Variants in MTA3 observed in about 807,000 individuals in gnomAD.
The protein encoded by MTA3 is metastasis associated 1 family member 3.
Under a neutral mutation model 83.5 loss-of-function variants are expected in MTA3, and 34 were observed. The observed-to-expected ratio is 0.41, with a 90% confidence interval of 0.31 to 0.54. MTA3 has a LOEUF of 0.54. Among genes scored for constraint, MTA3 ranks in the 20% least tolerant of loss-of-function variants. The pLI, the probability that MTA3 is intolerant of heterozygous loss-of-function variation, is 0.33. For missense variants in MTA3, 761 were observed against 726.4 expected, an observed-to-expected ratio of 1.05 and a Z score of -0.55; for synonymous variants, 303 against 252.7, an observed-to-expected ratio of 1.20 and a Z score of -1.89.
chr2:42,685,468 C>CTGAAG (rs1692287785), intron 9 of MTA3, among the ~76,000 whole-genome samples: 1 of 152,174 alleles, frequency 6.6e-6, no homozygotes, highest in African/African-American at 2.4e-5. Flanking sequence ...AACCTAACTG[C>CTGAAG]TGAAGTAGGA....
intron 8 of MTA3, among the ~76,000 whole-genome samples, chr2:42,671,076 C>T (rs915698768): frequency 7.2e-5 from 11 of 152,046 alleles, no homozygotes; most frequent in Middle Eastern, 6.8e-3. Context: ...CTGAACGATT[C>T]GTTAGTCTTT....
At chr2:42,742,219 A>C (rs1336412754) in intron 16 of MTA3, among the ~76,000 whole-genome samples, 11 of 151,736 alleles carry the variant, frequency 7.2e-5, no homozygotes, top group Non-Finnish European at 1.6e-4. Context: ...GCTCACTGCA[A>C]CCTCTGCCTC....
chr2:42,747,920 T>C (rs1203298839), intron 16 of MTA3, among the ~76,000 whole-genome samples: 2 of 152,094 alleles, frequency 1.3e-5, no homozygotes, highest in Non-Finnish European at 2.9e-5. Flanking sequence ...ACAGTTTTCT[T>C]GCACCCCATT....
At chr2:42,540,945 C>T (rs1676491907) in intron 2 of MTA3, among the ~76,000 whole-genome samples, 1 of 152,034 alleles carries the variant, frequency 6.6e-6, no homozygotes, top group South Asian at 2.1e-4. Context: ...TACACATGGT[C>T]CCTGACTTAT....
chr2:42,536,642 G>T (rs961808395), intron 2 of MTA3, among the ~76,000 whole-genome samples: 2 of 151,966 alleles, frequency 1.3e-5, no homozygotes, highest in East Asian at 3.9e-4. Context: ...GGCGGATCAC[G>T]AGGTCAGGAG....
At chr2:42,565,335 C>T (rs909993122), upstream of MTA3, among the ~76,000 whole-genome samples, 4 of 151,768 alleles carry the variant, frequency 2.6e-5, no homozygotes, top group Admixed American at 6.6e-5. Context: ...CATAGGTGCG[C>T]ACCAACTGGC....
At chr2:42,678,570 C>T (rs1333543821) in intron 8 of MTA3, among the ~76,000 whole-genome samples, 2 of 152,118 alleles carry the variant, frequency 1.3e-5, no homozygotes, top group East Asian at 3.9e-4. Context: ...CTCAAGTGAT[C>T]CGCCTGCATT....
chr2:42,663,105 A>C (rs560802551), intron 8 of MTA3, among the ~76,000 whole-genome samples: 1 of 152,314 alleles, frequency 6.6e-6, no homozygotes, highest in East Asian at 1.9e-4. Context: ...ATATAGGTAA[A>C]CTATTATTTA....
intron 8 of MTA3, among the ~76,000 whole-genome samples, chr2:42,663,023 C>T (rs537553179): frequency 1.8e-4 from 27 of 152,292 alleles, no homozygotes; most frequent in Admixed American, 3.3e-4. Flanking sequence ...AGCCACTGTG[C>T]CTGGCCGGAT....
intron 3 of MTA3, among the ~76,000 whole-genome samples, chr2:42,605,124 C>T (rs1178128626): frequency 5.3e-4 from 79 of 149,210 alleles, no homozygotes; most frequent in African/African-American, 1.8e-3. Context: ...GGGTGGTGGC[C>T]GGGCAGAGGG....
At chr2:42,620,952 T>G (rs1685461639) in intron 4 of MTA3, among the ~76,000 whole-genome samples, 1 of 152,212 alleles carries the variant, frequency 6.6e-6, no homozygotes, top group African/African-American at 2.4e-5. Flanking sequence ...TCATGGTTAT[T>G]TCATAGATAT....
At chr2:42,639,958 C>G (rs1303908743) in intron 4 of MTA3, among the ~76,000 whole-genome samples, 1 of 152,092 alleles carries the variant, frequency 6.6e-6, no homozygotes, top group East Asian at 1.9e-4. Context: ...CTCCAACAGG[C>G]TAGCCTCTCA....
At chr2:42,559,223 TGGGCGCA>T (rs996940965) in intron 2 of MTA3, among the ~76,000 whole-genome samples, 5 of 152,286 alleles carry the variant, frequency 3.3e-5, no homozygotes, top group Admixed American at 6.5e-5. Flanking sequence ...TGTTTTGGGC[TGGGCGCA>T]GTGGCTCACG....
At chr2:42,535,280 G>A (rs1385348060) in intron 2 of MTA3, among the ~76,000 whole-genome samples, 9 of 152,068 alleles carry the variant, frequency 5.9e-5, no homozygotes, top group South Asian at 2.1e-4. Flanking sequence ...CCAGCTACTC[G>A]GGAGGCTGAG....
intron 12 of MTA3, among the ~76,000 whole-genome samples, chr2:42,706,947 C>G (rs1474168491): frequency 6.6e-6 from 1 of 152,060 alleles, no homozygotes; most frequent in Non-Finnish European, 1.5e-5. Flanking sequence ...TGTTTCTTCT[C>G]TCCTCCCCTA....
intron 10 of MTA3, among the ~76,000 whole-genome samples, chr2:42,696,703 A>C (rs1429557375): frequency 6.6e-6 from 1 of 152,166 alleles, no homozygotes; most frequent in East Asian, 1.9e-4. Flanking sequence ...CCAGGAGTTC[A>C]TGTCCAGCCT....
intron 9 of MTA3, among the ~76,000 whole-genome samples, chr2:42,683,824 G>A (rs905421971): frequency 1.3e-5 from 2 of 152,100 alleles, no homozygotes; most frequent in East Asian, 3.9e-4. Context: ...ATGAAGCTTC[G>A]CTCGCTTGTC....
At chr2:42,674,746 G>T (rs1187489724) in intron 8 of MTA3, among the ~76,000 whole-genome samples, 1 of 150,492 alleles carries the variant, frequency 6.6e-6, no homozygotes, top group Non-Finnish European at 1.5e-5. Context: ...CTACAGGCGC[G>T]TGCCACCATG....
At chr2:42,546,109 G>C (rs1041780955) in intron 2 of MTA3, among the ~76,000 whole-genome samples, 1 of 152,190 alleles carries the variant, frequency 6.6e-6, no homozygotes, top group Non-Finnish European at 1.5e-5. Context: ...AAGGGAAGGA[G>C]GGAGGGAGGA....
Sources: gnomAD v4.1 joint callset for allele counts (sites outside exome capture counted in the v4.1 genomes callset) on GRCh38, gnomAD v4.1.1 for gene constraint, MANE v1.5 for transcripts, NCBI Gene and HGNC (gene_info 2026-07-23, HGNC 2026-07-21) for gene names.